The following NAALADL2 variants were observed in gnomAD, a reference collection of about 807,000 sequenced individuals.
NAALADL2 encodes N-acetylated alpha-linked acidic dipeptidase like 2.
NAALADL2 carries 76 observed loss-of-function variants against 87.2 expected under a neutral mutation model. That is an observed-to-expected ratio of 0.87 (90% CI 0.72 to 1.05). NAALADL2 has a LOEUF of 1.05. Among genes scored for constraint, NAALADL2 ranks in the 50% least tolerant of loss-of-function variants. NAALADL2 has a pLI of 0.00. For synonymous variants in NAALADL2, 354 were observed against 331.0 expected, an observed-to-expected ratio of 1.07 and a Z score of -0.75; for missense variants, 1,089 against 945.8, an observed-to-expected ratio of 1.15 and a Z score of -1.99.
intron 9 of NAALADL2, among the ~76,000 whole-genome samples, chr3:175,558,449 T>A (rs377608523): frequency 6.6e-6 from 1 of 152,258 alleles, no homozygotes; most frequent in South Asian, 2.1e-4. Context: ...CATTTGTCCA[T>A]TTTTGCTTTG....
At chr3:174,634,587 G>T (rs184525060) in intron 2 of NAALADL2, among the ~76,000 whole-genome samples, 1 of 152,026 alleles carries the variant, frequency 6.6e-6, no homozygotes, top group Admixed American at 6.5e-5. Context: ...TGGTAGTCAT[G>T]ACAGATCCCC....
chr3:175,462,800 G>C (rs1723345350), intron 6 of NAALADL2, among the ~76,000 whole-genome samples: 2 of 152,054 alleles, frequency 1.3e-5, no homozygotes, highest in Non-Finnish European at 2.9e-5. Context: ...AATTCAAAAA[G>C]GTAGAGCGAT....
At chr3:174,506,866 T>A (rs1184501148) in intron 1 of NAALADL2, among the ~76,000 whole-genome samples, 1 of 151,344 alleles carries the variant, frequency 6.6e-6, no homozygotes, top group Admixed American at 6.6e-5. Flanking sequence ...ATCTTTTTCT[T>A]ATTTTTTTAT....
At chr3:174,887,402 G>C (rs1015609563) in intron 1 of NAALADL2, among the ~76,000 whole-genome samples, 1 of 151,966 alleles carries the variant, frequency 6.6e-6, no homozygotes, top group African/African-American at 2.4e-5. Context: ...TATATGTTCT[G>C]TTTATTAGTA....
chr3:175,634,782 T>C (rs1000108910), intron 11 of NAALADL2, among the ~76,000 whole-genome samples: 1 of 151,982 alleles, frequency 6.6e-6, no homozygotes, highest in African/African-American at 2.4e-5. Context: ...ATTTGTACAT[T>C]TGAGGTAATT....
intron 5 of NAALADL2, among the ~76,000 whole-genome samples, chr3:175,326,183 A>G (rs554339848): frequency 3.3e-5 from 5 of 152,352 alleles, no homozygotes; most frequent in South Asian, 4.1e-4. Flanking sequence ...CATGGACACA[A>G]TTCAGTCAAA....
chr3:175,336,939 A>G (rs898044058), intron 5 of NAALADL2, among the ~76,000 whole-genome samples: 1 of 152,178 alleles, frequency 6.6e-6, no homozygotes, highest in Middle Eastern at 3.2e-3. Context: ...AGTTTTTATG[A>G]TAATACAGAT....
In NAALADL2 at chr3:175,241,721, T is replaced by C. The variant is rs1746919615; in HGVS notation, c.819+7517T>C. On this transcript the variant is annotated intron_variant, in intron 3 of 13. Coordinates refer to ENST00000454872, the MANE Select transcript of NAALADL2 (RefSeq NM_207015.3). ...CCCGTGAAAGAGAACAGAAGCCTAT[T>C]TTATGAAATAATAGTTTTAAAGCAT... Among the ~76,000 whole-genome samples the C allele has an allele frequency of 2.0e-5, 3 of 152,094 alleles. No homozygotes were observed. The South Asian group carries it at 6.2e-4, about 32-fold the overall frequency.
At chr3:175,377,926 C>A (rs1767346808) in intron 5 of NAALADL2, among the ~76,000 whole-genome samples, 1 of 152,168 alleles carries the variant, frequency 6.6e-6, no homozygotes. Flanking sequence ...GAGCCACTTT[C>A]ATTGGCAATA....
At chr3:175,286,372 G>A (rs946498998) in intron 4 of NAALADL2, among the ~76,000 whole-genome samples, 2 of 152,168 alleles carry the variant, frequency 1.3e-5, no homozygotes, top group Admixed American at 6.5e-5. Flanking sequence ...GCAGAAAGCT[G>A]TAACTTCAAG....
chr3:174,468,384 C>CTTTTTTTTTTTTTTTTTT (rs67829845), intron 1 of NAALADL2, among the ~76,000 whole-genome samples: 1 of 132,738 alleles, frequency 7.5e-6, no homozygotes. Flanking sequence ...CTTTCTTTTT[C>CTTTTTTTTTTTTTTTTTT]TTTTTTTTTT....
chr3:174,731,968 A>C (rs999607456), intron 2 of NAALADL2, among the ~76,000 whole-genome samples: 1 of 152,174 alleles, frequency 6.6e-6, no homozygotes, highest in East Asian at 1.9e-4. Flanking sequence ...TATAGCAGGA[A>C]AGCCACCATA....
At chr3:175,666,579 C>CA (rs1733029220) in intron 11 of NAALADL2, among the ~76,000 whole-genome samples, 2 of 152,030 alleles carry the variant, frequency 1.3e-5, no homozygotes, top group African/African-American at 2.4e-5. Context: ...GAAATTTAAA[C>CA]AAAAAATATC....
At chr3:175,164,882 G>C (rs1039832337) in intron 2 of NAALADL2, among the ~76,000 whole-genome samples, 1 of 152,116 alleles carries the variant, frequency 6.6e-6, no homozygotes, top group Non-Finnish European at 1.5e-5. Context: ...ACAATCAAAT[G>C]TAACAGAAAA....
intron 2 of NAALADL2, among the ~76,000 whole-genome samples, chr3:174,718,734 C>T (rs576289139): frequency 6.6e-6 from 1 of 152,262 alleles, no homozygotes; most frequent in South Asian, 2.1e-4. Flanking sequence ...TGTATCTTCC[C>T]AAAGCCTACA....
chr3:175,049,890 T>G (rs115568856), intron 1 of NAALADL2, among the ~76,000 whole-genome samples: 2 of 152,202 alleles, frequency 1.3e-5, no homozygotes, highest in Admixed American at 1.3e-4. Context: ...AGTTCTCAAA[T>G]GTTGTTTTGT....
At chr3:175,230,145 A>G (rs1744729438) in intron 2 of NAALADL2, among the ~76,000 whole-genome samples, 2 of 151,978 alleles carry the variant, frequency 1.3e-5, no homozygotes, top group African/African-American at 4.8e-5. Context: ...GCCTCCTACC[A>G]CACACCTGCT....
intron 2 of NAALADL2, among the ~76,000 whole-genome samples, chr3:174,662,605 GA>G (rs143197819): frequency 0.038 from 5,840 of 152,216 alleles, 424 homozygotes; most frequent in African/African-American, 0.13. Context: ...CTTGTTGAAA[GA>G]AAAGTTAGGA....
At chr3:174,555,463 C>G (rs1460457235) in intron 2 of NAALADL2, among the ~76,000 whole-genome samples, 1 of 152,094 alleles carries the variant, frequency 6.6e-6, no homozygotes, top group East Asian at 1.9e-4. Flanking sequence ...CCACACCCCA[C>G]TAATTTTTGT....
Sources: allele counts gnomAD v4.1 joint callset (sites outside exome capture counted in the v4.1 genomes callset), GRCh38; gene constraint gnomAD v4.1.1; transcripts MANE v1.5; gene names NCBI Gene and HGNC (gene_info 2026-07-23, HGNC 2026-07-21).